The following PALM variants were observed in gnomAD, a reference collection of about 807,000 sequenced individuals.
PALM encodes the protein paralemmin-1.
PALM carries 18 observed loss-of-function variants against 30.7 expected under a neutral mutation model. The observed-to-expected ratio is 0.59, with a 90% CI of 0.41 to 0.87. The LOEUF (loss-of-function observed/expected upper bound fraction) is 0.87, where lower values mean the gene tolerates loss of function less well. Among genes scored for constraint, PALM ranks in the 40% least tolerant of loss-of-function variants. PALM has a pLI of 0.00. For synonymous variants in PALM, 286 were observed against 242.8 expected, an observed-to-expected ratio of 1.18 and a Z score of -1.66; for missense variants, 529 against 555.4, an observed-to-expected ratio of 0.95 and a Z score of 0.48.
chr19:712,919 G>A (rs1332768954), intron 1 of PALM, among the ~76,000 whole-genome samples: 1 of 152,112 alleles, frequency 6.6e-6, no homozygotes, highest in Non-Finnish European at 1.5e-5. Context: ...CAGGTGATCC[G>A]CCCAGCTGGG....
At position 746,553 on chromosome 19, in the gene PALM, C is replaced by T. The variant is rs1219521117; in HGVS notation, c.903C>T (p.Ile301=). The change falls in exon 9 of 9, where the codon ATC becomes ATT. Residue 301 remains isoleucine (I), a synonymous_variant. Coordinates refer to ENST00000338448, the MANE Select transcript of PALM (RefSeq NM_002579.3). This position sits in a 1 kb window ranked among gnomAD's most constrained non-coding sequence, Gnocchi z 7.1. ...QPGQEPPVTM[I]FMGYQNVEDE... is the part of the protein sequence containing the mutation. Reference sequence around the variant, plus strand: ...GCCAGGAGCCCCCGGTCACAATGATCTTCATGGGTTACCAGAACGTGGAGG... The same window carrying T: ...GCCAGGAGCCCCCGGTCACAATGATTTTCATGGGTTACCAGAACGTGGAGG... 2 of 1,613,318 alleles carry T rather than the reference C, an allele frequency of 1.2e-6. No individual in the cohort carries two copies. Among genetic ancestry groups the T allele is most frequent in the African/African-American group, 1.3e-5 (1 of 74,926 alleles).
At chr19:726,717 G>C (rs1257435574) in intron 2 of PALM, among the ~76,000 whole-genome samples, 1 of 152,196 alleles carries the variant, frequency 6.6e-6, no homozygotes, top group Non-Finnish European at 1.5e-5. Context: ...TGGCCAGGCT[G>C]GTCTTGAACT....
chr19:719,872 T>C (rs971559017), intron 1 of PALM, among the ~76,000 whole-genome samples: 3 of 151,916 alleles, frequency 2.0e-5, no homozygotes, highest in Non-Finnish European at 4.4e-5. Context: ...GAGCGAGCGC[T>C]GGGGGAGGCG....
chr19:725,897 T>A (rs1232661298), intron 1 of PALM, among the ~76,000 whole-genome samples: 1 of 152,164 alleles, frequency 6.6e-6, no homozygotes, highest in East Asian at 1.9e-4. Context: ...TGCCTCAATG[T>A]CCCCTTCTCC....
chr19:732,307 G>A (rs963846205), intron 5 of PALM, among the ~76,000 whole-genome samples: 14 of 152,198 alleles, frequency 9.2e-5, no homozygotes, highest in African/African-American at 3.4e-4. Context: ...GCCCACAGAG[G>A]CAGAGAGGCT....
At chr19:718,898 G>C (rs2032360293) in intron 1 of PALM, among the ~76,000 whole-genome samples, 1 of 152,024 alleles carries the variant, frequency 6.6e-6, no homozygotes, top group Admixed American at 6.6e-5. Flanking sequence ...AGGGCCGGGG[G>C]TGCCAGCGCT....
rs137941376 is a variant in PALM, at chr19:746,350, G to A, written c.700G>A (p.Glu234Lys). Residue 234 changes from glutamate (E) to lysine (K), a missense_variant, in exon 9 of 9, where the codon GAA (glutamate) becomes AAA (lysine). Physicochemically the swap from Glu to Lys is moderately conservative, Grantham distance 56. Coordinates refer to ENST00000338448, the MANE Select transcript of PALM (RefSeq NM_002579.3). This position sits in a 1 kb window ranked among gnomAD's most constrained non-coding sequence, Gnocchi z 7.1. The part of the protein sequence containing the change: ...IHPLSSSEVD[E>K]LIHKADEVTL... ...CCCCCTGAGCTCCTCCGAGGTGGAC[G>A]AACTCATCCACAAAGCGGACGAGGT... The A allele has an allele frequency of 1.4e-3, 2,254 of 1,613,424 alleles. 1 individual carries two copies. Among genetic ancestry groups the A allele is most frequent in the Non-Finnish European group, 1.7e-3 (1,955 of 1,179,684 alleles).
At chr19:718,148 C>G (rs2032329620) in intron 1 of PALM, among the ~76,000 whole-genome samples, 1 of 152,148 alleles carries the variant, frequency 6.6e-6, no homozygotes, top group African/African-American at 2.4e-5. Context: ...CGCCACCGCA[C>G]TCCAGCCTGG....
chr19:743,715 C>A (rs2033257221), intron 8 of PALM, among the ~76,000 whole-genome samples: 2 of 151,996 alleles, frequency 1.3e-5, no homozygotes, highest in Admixed American at 1.3e-4. Flanking sequence ...ATTTGCAGGG[C>A]TGTGAGCTAG....
chr19:713,405 T>G (rs1278203877), intron 1 of PALM, among the ~76,000 whole-genome samples: 2 of 152,098 alleles, frequency 1.3e-5, no homozygotes, highest in Non-Finnish European at 2.9e-5. Context: ...TGTTCTCATC[T>G]GGCGAGTGGG....
Position 746,870 on chromosome 19 carries a change from C to A in PALM, c.*56C>A. 9.1e-7 allele frequency: 1 copy of A among 1,103,120 alleles called. No individual in the cohort carries two copies. The highest frequency in any genetic ancestry group is 1.3e-6 in the Non-Finnish European group (1 of 788,758). 68.3% of individuals were successfully genotyped at this position (1,103,120 alleles called of 1,614,324 possible). ...ACACCACAGACACCCACCAGCCCGG[C>A]CCCTCCCGGCGCCTGCCCACCCTCC... On this transcript the variant is annotated 3_prime_UTR_variant, in exon 9 of 9. Transcript: ENST00000338448. This position sits in a 1 kb window ranked among gnomAD's most constrained non-coding sequence, Gnocchi z 7.1.
chr19:714,397 C>T (rs1281127695), intron 1 of PALM, among the ~76,000 whole-genome samples: 3 of 127,746 alleles, frequency 2.3e-5, no homozygotes, highest in Admixed American at 9.2e-5. Context: ...CTCTCTCTGT[C>T]GCCCAGGCTG....
Position 742,123 on chromosome 19 carries a change from C to T in PALM, c.634+1640C>T, listed in dbSNP as rs895264382. 1.3e-5 allele frequency among the ~76,000 whole-genome samples: 2 copies of T among 152,190 alleles called. No homozygotes were observed. Among genetic ancestry groups the T allele is most frequent in the Admixed American group, 1.3e-4 (2 of 15,264 alleles). On this transcript the variant is annotated intron_variant, in intron 8 of 8. Transcript: ENST00000338448. The surrounding 1 kb of genome is among the most constrained non-coding windows in gnomAD (Gnocchi z 5.5). ...AATGAGCTATGATGGCACCCCTGCACTCCAGCCTGGGCCACAGACCAAGAC... is the reference window on the plus strand; with the variant it reads ...AATGAGCTATGATGGCACCCCTGCATTCCAGCCTGGGCCACAGACCAAGAC...
chr19:740,517 C>G (rs1219909972), intron 8 of PALM, 34 bp downstream of exon 8: 1 of 1,534,314 alleles, frequency 6.5e-7, no homozygotes, highest in South Asian at 1.2e-5. Context: ...CTCCCTCCAC[C>G]TGGGCCAGAG....
At chr19:719,038 C>G (rs1472811093) in intron 1 of PALM, 17 of 842,520 alleles carry the variant, frequency 2.0e-5, no homozygotes, top group Non-Finnish European at 4.3e-6. Context: ...ACTCCCCCAC[C>G]CCCCACAATG....
At chr19:724,412 C>A (rs779191402) in intron 1 of PALM, among the ~76,000 whole-genome samples, 3 of 151,930 alleles carry the variant, frequency 2.0e-5, no homozygotes, top group Non-Finnish European at 4.4e-5. Flanking sequence ...CCTCTGCCTC[C>A]TGGGTTCAAG....
intron 1 of PALM, among the ~76,000 whole-genome samples, chr19:710,011 T>A (rs1213656453): frequency 6.6e-6 from 1 of 151,920 alleles, no homozygotes; most frequent in African/African-American, 2.4e-5. Context: ...TGCCCCTCAC[T>A]CCCACAGGTG....
In PALM at chr19:747,462, G is replaced by A. The variant is rs183541789; in HGVS notation, c.*648G>A. 144 of 153,606 alleles carry A rather than the reference G, an allele frequency of 9.4e-4. No homozygotes were observed. Among genetic ancestry groups the A allele is most frequent in the African/African-American group, 3.3e-3 (137 of 41,594 alleles). 9.5% of individuals were successfully genotyped at this position (153,606 alleles called of 1,614,324 possible). ...GGAGTCTGGGGGAGGGGGAACCCCG[G>A]GGACATGCCCCCACCCGGGAGGGGC... On this transcript the variant is annotated 3_prime_UTR_variant, in exon 9 of 9. Coordinates refer to ENST00000338448, the MANE Select transcript of PALM (RefSeq NM_002579.3).
chr19:709,335 G>C lies in PALM; in HGVS notation c.5+184G>C, dbSNP rs529427691. 4.9e-3 allele frequency among the ~76,000 whole-genome samples: 744 copies of C among 151,470 alleles called. 10 individuals are homozygous for C. The highest frequency in any genetic ancestry group is 0.017 in the African/African-American group (700 of 41,438). On this transcript the variant is annotated intron_variant, in intron 1 of 8. Transcript: ENST00000338448. This position sits in a 1 kb window ranked among gnomAD's most constrained non-coding sequence, Gnocchi z 4.3. ...AGACTCGGGCTGGGCCGCGCCTGCC[G>C]GGAGGCCTCCCCGCTCCCGGACCCC...
Sources: allele counts gnomAD v4.1 joint callset (sites outside exome capture counted in the v4.1 genomes callset), GRCh38; gene constraint gnomAD v4.1.1; non-coding constraint Gnocchi (gnomAD v3.1); transcripts MANE v1.5; gene names NCBI Gene and HGNC (gene_info 2026-07-23, HGNC 2026-07-21).